Variants in SPECC1L observed in about 807,000 individuals in gnomAD.
SPECC1L encodes the protein cytospin-A.
Under a neutral mutation model 116.8 loss-of-function variants are expected in SPECC1L, and 40 were observed. The ratio of observed to expected loss-of-function variants is 0.34; its 90% CI spans 0.27 to 0.45. SPECC1L has a LOEUF of 0.45. Ranked by LOEUF, SPECC1L falls within the 20% of genes least tolerant of loss-of-function variation. SPECC1L has a pLI of 1.00. For synonymous variants in SPECC1L, 504 were observed against 500.6 expected (o/e 1.01, Z -0.09); for missense variants, 1,110 against 1,373.6 (o/e 0.81, Z 3.03).
chr22:24,307,876 C>T (rs145224388), intron 3 of SPECC1L, among the ~76,000 whole-genome samples: 217 of 151,262 alleles, frequency 1.4e-3, no homozygotes, highest in African/African-American at 5.0e-3. Context: ...TTCTAAATTT[C>T]ATATTTAGAT....
chr22:24,414,237 C>T (rs532919735), intron 16 of SPECC1L, among the ~76,000 whole-genome samples: 25 of 152,226 alleles, frequency 1.6e-4, no homozygotes, highest in Admixed American at 5.9e-4. Context: ...GAGGCAGGCG[C>T]GGGGAGGAGG....
chr22:24,407,540 C>T (rs1235327336), intron 14 of SPECC1L, among the ~76,000 whole-genome samples: 2 of 152,140 alleles, frequency 1.3e-5, no homozygotes, highest in African/African-American at 2.4e-5. Flanking sequence ...GCAGAAGGGG[C>T]GGCTGCGGCA....
chr22:24,407,637 T>C (rs1228687256), intron 14 of SPECC1L, among the ~76,000 whole-genome samples: 2 of 152,150 alleles, frequency 1.3e-5, no homozygotes, highest in Non-Finnish European at 2.9e-5. Flanking sequence ...GCTCCACACG[T>C]TATTAAGAAG....
chr22:24,388,101 C>CT (rs1330528523), intron 14 of SPECC1L, among the ~76,000 whole-genome samples: 1 of 151,880 alleles, frequency 6.6e-6, no homozygotes, highest in Non-Finnish European at 1.5e-5. Flanking sequence ...TATTATTATA[C>CT]TTTAAGTTTT....
At chr22:24,296,847 G>A (rs533436247) in intron 2 of SPECC1L, among the ~76,000 whole-genome samples, 139 of 152,244 alleles carry the variant, frequency 9.1e-4, no homozygotes, top group African/African-American at 3.2e-3. Context: ...GGTGCTATAG[G>A]CATTTATTTA....
chr22:24,290,185 A>G (rs998088724), intron 2 of SPECC1L, among the ~76,000 whole-genome samples: 21 of 152,212 alleles, frequency 1.4e-4, no homozygotes, highest in African/African-American at 4.8e-4. Flanking sequence ...TTGGACAGGC[A>G]GAAAGGAGGG....
intron 12 of SPECC1L, 77 bp from the exon 13 acceptor site, chr22:24,365,399 T>A (rs916028858): frequency 1.7e-5 from 24 of 1,385,116 alleles, no homozygotes; most frequent in Non-Finnish European, 2.4e-5. Context: ...GTTTTTGGAA[T>A]CTTCAGAAAA....
rs111936265 is a variant in SPECC1L, at chr22:24,414,788, G to A, written c.*165G>A. 1,738 of 656,164 alleles carry A rather than the reference G, an allele frequency of 2.6e-3. 23 individuals carry two copies. The highest frequency in any genetic ancestry group is 0.026 in the African/African-American group (1,482 of 56,212). 40.6% of individuals were successfully genotyped at this position (656,164 alleles called of 1,614,324 possible). A position where few individuals can be genotyped will look rare whatever the true frequency, so the allele number is the denominator to read the frequency against. On this transcript the variant is annotated 3_prime_UTR_variant, in exon 17 of 17. Transcript: ENST00000314328. ...GCTTCCGTATTGGAAGAACTCAGCC[G>A]TGTGGCCCACAGCTCCCACCAGGGC...
chr22:24,293,621 A>G (rs572089504), intron 2 of SPECC1L, among the ~76,000 whole-genome samples: 132 of 151,784 alleles, frequency 8.7e-4, no homozygotes, highest in African/African-American at 3.0e-3. Flanking sequence ...CTCAGTTTCT[A>G]GATCGAGGGA....
intron 14 of SPECC1L, among the ~76,000 whole-genome samples, chr22:24,404,603 C>T (rs1391079280): frequency 1.3e-5 from 2 of 152,180 alleles, no homozygotes; most frequent in African/African-American, 4.8e-5. Flanking sequence ...CATCTCCCAC[C>T]CACCACTCCA....
chr22:24,403,620 C>G (rs2042525040), intron 14 of SPECC1L, among the ~76,000 whole-genome samples: 1 of 152,188 alleles, frequency 6.6e-6, no homozygotes, highest in African/African-American at 2.4e-5. Context: ...CCCTCCAGCC[C>G]CTCCGCTCTT....
intron 9 of SPECC1L, among the ~76,000 whole-genome samples, chr22:24,337,700 A>G (rs1569426026): frequency 6.6e-6 from 1 of 152,178 alleles, no homozygotes; most frequent in Non-Finnish European, 1.5e-5. Context: ...TCATCTTTCC[A>G]CACTGTGTGT....
chr22:24,296,951 T>TA (rs1370395281), intron 2 of SPECC1L, among the ~76,000 whole-genome samples: 2 of 151,634 alleles, frequency 1.3e-5, no homozygotes, highest in Non-Finnish European at 2.9e-5. Context: ...GAATATCTTT[T>TA]TTTTTTTTTT....
At chr22:24,344,434 A>G (rs1348501573) in intron 10 of SPECC1L, among the ~76,000 whole-genome samples, 1 of 152,182 alleles carries the variant, frequency 6.6e-6, no homozygotes, top group Non-Finnish European at 1.5e-5. Flanking sequence ...CAAACTAGAA[A>G]TAGAAGGAGA....
At chr22:24,317,269 C>T (rs2040600749) in intron 4 of SPECC1L, among the ~76,000 whole-genome samples, 1 of 124,366 alleles carries the variant, frequency 8.0e-6, no homozygotes, top group Non-Finnish European at 1.8e-5. Context: ...GGGCTGACCC[C>T]CCCCACCTCC....
At position 24,361,897 on chromosome 22, in the gene SPECC1L, GAA is replaced by G. The variant is rs538214210; in HGVS notation, c.2744-1363_2744-1362del. Among the ~76,000 whole-genome samples, 57 of 149,968 alleles carry G rather than the reference GAA, an allele frequency of 3.8e-4. 3 individuals are homozygous for G. The South Asian group carries it at 0.012, about 31-fold the overall frequency. Reference sequence around the variant, plus strand: ...AAGGAGGAGGAAAAAGAAGAAAAAAGAAGAGAAAAGAAAAGAAATTTTGGAGT... The same window carrying G: ...AAGGAGGAGGAAAAAGAAGAAAAAAGGAGAAAAGAAAAGAAATTTTGGAGT... On this transcript the variant is annotated intron_variant, in intron 11 of 16. Coordinates refer to ENST00000314328, the MANE Select transcript of SPECC1L (RefSeq NM_015330.6).
At chr22:24,272,470 C>T (rs1444818927) in intron 1 of SPECC1L, among the ~76,000 whole-genome samples, 1 of 152,058 alleles carries the variant, frequency 6.6e-6, no homozygotes, top group Non-Finnish European at 1.5e-5. Flanking sequence ...GTTAGGAGTT[C>T]GATACCAGCC....
At chr22:24,406,921 C>T (rs1035171759) in intron 14 of SPECC1L, among the ~76,000 whole-genome samples, 22 of 152,202 alleles carry the variant, frequency 1.4e-4, no homozygotes, top group Admixed American at 8.5e-4. Context: ...CAGCCAGTGA[C>T]GTTGGGAGCA....
Position 24,322,439 on chromosome 22 carries a change from C to T in SPECC1L, c.1459C>T (p.Arg487Cys), listed in dbSNP as rs200189237. ...CATAGATGAAGATGTAAAAAGTGGG[C>T]GCTATATGGAATTAGAGCAACGTTA... is the stretch of plus-strand genomic sequence containing the variant. ...YVIDEDVKSGRYMELEQRYMD... is the reference protein window; with the variant it reads ...YVIDEDVKSGCYMELEQRYMD... The change falls in exon 5 of 17, where the codon CGC (arginine) becomes TGC (cysteine). Residue 487 changes from arginine to cysteine, a missense_variant. This residue lies in a region of SPECC1L where 575 missense variants were observed against 682.4 expected (regional missense o/e 0.84). Transcript: ENST00000314328. The T allele has an allele frequency of 5.9e-5, 95 of 1,613,956 alleles. No individual in the cohort carries two copies. The highest frequency in any genetic ancestry group is 4.4e-4 in the South Asian group (40 of 91,054).
Sources: gnomAD v4.1 joint callset for allele counts (sites outside exome capture counted in the v4.1 genomes callset) on GRCh38, gnomAD v4.1.1 for gene constraint, gnomAD v4.1.1 regional missense constraint, MANE v1.5 for transcripts, NCBI Gene and HGNC (gene_info 2026-07-23, HGNC 2026-07-21) for gene names.